The following GADL1 variants were observed in gnomAD, a reference collection of about 807,000 sequenced individuals.
GADL1 encodes acidic amino acid decarboxylase GADL1.
In GADL1, 71 loss-of-function variants were observed where a neutral mutation model predicts 69.5. That is an observed-to-expected ratio of 1.02 (90% CI 0.84 to 1.25). The LOEUF is 1.25. GADL1 is among the 50% of genes most tolerant of loss of function. GADL1 has a pLI of 0.00. For missense variants in GADL1, 737 were observed against 631.8 expected, an observed-to-expected ratio of 1.17 and a Z score of -1.79; for synonymous variants, 254 against 214.4, an observed-to-expected ratio of 1.18 and a Z score of -1.62.
rs568417774 is a variant in GADL1 at position 30,757,368 on chromosome 3, T to TC, written c.1392+20810dup. On this transcript the variant is annotated intron_variant, in intron 14 of 14. Transcript: ENST00000282538. ...TAGCAAAAGTGGGAAAGTGAATAGA[T>TC]CAGAGGCTAGATCATCAGAAGCCTA... 5.0e-3 allele frequency among the ~76,000 whole-genome samples: 762 copies of TC among 152,118 alleles called. 7 individuals are homozygous for TC. The highest frequency in any genetic ancestry group is 0.018 in the African/African-American group (734 of 41,484).
intron 14 of GADL1, among the ~76,000 whole-genome samples, chr3:30,769,198 G>A (rs1441066955): frequency 6.6e-6 from 1 of 152,120 alleles, no homozygotes; most frequent in Non-Finnish European, 1.5e-5. Context: ...AGCTCCCACA[G>A]CCCCAAAGCA....
At chr3:30,795,575 C>A (rs1697014806) in intron 12 of GADL1, among the ~76,000 whole-genome samples, 2 of 152,028 alleles carry the variant, frequency 1.3e-5, no homozygotes, top group African/African-American at 4.8e-5. Context: ...CTTAAGCAAA[C>A]AGAATAGACC....
At chr3:30,769,004 CAACA>C (rs1487763167) in intron 14 of GADL1, among the ~76,000 whole-genome samples, 1 of 152,136 alleles carries the variant, frequency 6.6e-6, no homozygotes, top group Non-Finnish European at 1.5e-5. Flanking sequence ...GTTTTTGCAA[CAACA>C]AACTGCATCA....
At chr3:30,737,425 G>A (rs1695555298) in intron 14 of GADL1, among the ~76,000 whole-genome samples, 1 of 152,060 alleles carries the variant, frequency 6.6e-6, no homozygotes, top group African/African-American at 2.4e-5. Flanking sequence ...ATCTAATAAA[G>A]TGTTTAAAAC....
chr3:30,821,900 C>T (rs919010770), intron 11 of GADL1, among the ~76,000 whole-genome samples: 3 of 151,850 alleles, frequency 2.0e-5, no homozygotes, highest in African/African-American at 7.3e-5. Flanking sequence ...TTGCCTTATC[C>T]AGTCTTCTGA....
At chr3:30,780,190 C>T (rs1193720226) in intron 13 of GADL1, among the ~76,000 whole-genome samples, 2 of 151,160 alleles carry the variant, frequency 1.3e-5, no homozygotes, top group East Asian at 1.9e-4. Flanking sequence ...TCTGGCACTC[C>T]TTCTAGGTAG....
At chr3:30,767,909 TAA>T (rs1696321673) in intron 14 of GADL1, among the ~76,000 whole-genome samples, 1 of 151,940 alleles carries the variant, frequency 6.6e-6, no homozygotes, top group Non-Finnish European at 1.5e-5. Context: ...TATAAATACT[TAA>T]AATATGAAAA....
chr3:30,800,726 T>C, intron 12 of GADL1, 163 bp downstream of exon 12: 1 of 641,374 alleles, frequency 1.6e-6, no homozygotes. Context: ...TTGGATGAAA[T>C]AATGCACAAA....
intron 11 of GADL1, among the ~76,000 whole-genome samples, chr3:30,811,374 T>G (rs1175491537): frequency 6.6e-6 from 1 of 152,236 alleles, no homozygotes. Context: ...CATTTGATAG[T>G]GCAGAGATCA....
intron 2 of GADL1, among the ~76,000 whole-genome samples, chr3:30,858,810 AG>A (rs147077418): frequency 7.8e-4 from 118 of 152,166 alleles, no homozygotes; most frequent in Non-Finnish European, 1.4e-3. Flanking sequence ...GAGAACCTAC[AG>A]CAGGGCAGAA....
intron 2 of GADL1, among the ~76,000 whole-genome samples, chr3:30,859,774 G>T (rs1480395179): frequency 6.6e-6 from 1 of 151,924 alleles, no homozygotes; most frequent in Non-Finnish European, 1.5e-5. Context: ...ATGGTGCTCT[G>T]TTGGATCTCA....
chr3:30,801,027 T>C lies in GADL1; in HGVS notation c.1112A>G (p.Tyr371Cys), dbSNP rs1575212028. Residue 371 changes from tyrosine to cysteine, a missense_variant, in exon 12 of 15, where the codon TAT becomes TGT. Physicochemically the swap from Tyr to Cys is radical, Grantham distance 194. Transcript: ENST00000282538. The stretch of plus-strand genomic sequence containing the variant: ...GTCTCCTGTGTCATAGCTCACATCA[T>C]AGAATTTATCCTGCTGGAAGAGGTA... ...ASYLFQQDKF[Y>C]DVSYDTGDKS... 2.5e-6 allele frequency: 4 copies of C among 1,613,836 alleles called. No individual in the cohort carries two copies. Among genetic ancestry groups the C allele is most frequent in the East Asian group, 4.5e-5 (2 of 44,864 alleles).
At chr3:30,822,858 C>A (rs541473850) in intron 11 of GADL1, among the ~76,000 whole-genome samples, 70 of 152,054 alleles carry the variant, frequency 4.6e-4, no homozygotes, top group Admixed American at 1.0e-3. Flanking sequence ...TGTTACTAAC[C>A]TTTGACTTAG....
At chr3:30,813,923 G>A (rs1349784888) in intron 11 of GADL1, among the ~76,000 whole-genome samples, 1 of 152,166 alleles carries the variant, frequency 6.6e-6, no homozygotes, top group African/African-American at 2.4e-5. Context: ...ATGCAGAAAT[G>A]CGCTGAAATG....
At chr3:30,771,994 C>G (rs1450519681) in intron 14 of GADL1, among the ~76,000 whole-genome samples, 1 of 152,218 alleles carries the variant, frequency 6.6e-6, no homozygotes, top group East Asian at 1.9e-4. Flanking sequence ...AAAGCAGCAG[C>G]CTGTGTAGAT....
chr3:30,791,038 T>A (rs1198840258), intron 12 of GADL1, among the ~76,000 whole-genome samples: 1 of 151,866 alleles, frequency 6.6e-6, no homozygotes, highest in African/African-American at 2.4e-5. Flanking sequence ...ATATACAAAG[T>A]ATGGAAGGAT....
At chr3:30,732,977 T>C (rs752623093) in intron 14 of GADL1, among the ~76,000 whole-genome samples, 18 of 152,038 alleles carry the variant, frequency 1.2e-4, no homozygotes, top group Non-Finnish European at 2.1e-4. Context: ...GACGCAGGGG[T>C]TGTGGTGAGC....
At chr3:30,835,018 G>T (rs114969175) in intron 9 of GADL1, among the ~76,000 whole-genome samples, 1,808 of 152,204 alleles carry the variant, frequency 0.012, 37 homozygotes, top group African/African-American at 0.042. Flanking sequence ...TGTATTGAGA[G>T]AATTTGAAGG....
intron 11 of GADL1, among the ~76,000 whole-genome samples, chr3:30,810,085 T>G (rs1416983669): frequency 6.6e-6 from 1 of 152,172 alleles, no homozygotes; most frequent in Non-Finnish European, 1.5e-5. Context: ...GTGACATGTT[T>G]GAGCTTGTTG....
Sources: gnomAD v4.1 joint callset for allele counts (sites outside exome capture counted in the v4.1 genomes callset) on GRCh38, gnomAD v4.1.1 for gene constraint, MANE v1.5 for transcripts, NCBI Gene and HGNC (gene_info 2026-07-23, HGNC 2026-07-21) for gene names.